Variants in SYK observed in about 807,000 individuals in gnomAD.
The protein encoded by SYK is tyrosine-protein kinase SYK.
Under a neutral mutation model 77.8 loss-of-function variants are expected in SYK, and 16 were observed. That is an observed-to-expected ratio of 0.21 (90% CI 0.14 to 0.31). The LOEUF is 0.31. Among genes scored for constraint, SYK ranks in the 10% least tolerant of loss-of-function variants. The pLI is 1.00. For synonymous variants in SYK, 312 were observed against 308.7 expected (o/e 1.01, Z -0.11); for missense variants, 529 against 814.4 (o/e 0.65, Z 4.26).
intron 4 of SYK, among the ~76,000 whole-genome samples, chr9:90,863,949 C>T (rs1293005976): frequency 6.6e-6 from 1 of 152,188 alleles, no homozygotes; most frequent in Non-Finnish European, 1.5e-5. Flanking sequence ...ATTGATTCCC[C>T]TGGTAGATCA....
intron 11 of SYK, among the ~76,000 whole-genome samples, chr9:90,884,386 T>C (rs1221093807): frequency 3.1e-5 from 3 of 97,526 alleles, no homozygotes; most frequent in Non-Finnish European, 4.5e-5. Context: ...TACGTGTATA[T>C]ATGCATACAT....
At chr9:90,866,024 G>A (rs967752692) in intron 6 of SYK, among the ~76,000 whole-genome samples, 21 of 149,688 alleles carry the variant, frequency 1.4e-4, no homozygotes, top group South Asian at 6.4e-4. Flanking sequence ...TCAGCCTCGC[G>A]AGTAGCTGGG....
intron 11 of SYK, among the ~76,000 whole-genome samples, chr9:90,884,977 A>G (rs1024064676): frequency 1.6e-5 from 2 of 121,682 alleles, no homozygotes; most frequent in Admixed American, 1.8e-4. Flanking sequence ...ATATATATAT[A>G]TACCCAACAT....
intron 7 of SYK, 29 bp downstream of exon 7, chr9:90,867,228 A>T (rs1476071272): frequency 1.9e-6 from 3 of 1,611,454 alleles, no homozygotes; most frequent in East Asian, 4.5e-5. Context: ...CTTGCTGTCC[A>T]ACTAAGTGGT....
At chr9:90,889,501 C>A (rs1432453338) in intron 13 of SYK, among the ~76,000 whole-genome samples, 2 of 152,228 alleles carry the variant, frequency 1.3e-5, no homozygotes, top group African/African-American at 4.8e-5. Flanking sequence ...GAGGGCTATT[C>A]CAAATGCTGC....
At chr9:90,874,368 C>T (rs1025356626) in intron 8 of SYK, 77 bp downstream of exon 8, 8 of 1,402,918 alleles carry the variant, frequency 5.7e-6, no homozygotes, top group African/African-American at 5.7e-5. Context: ...AGTTGGTTCA[C>T]GAATCCACAC....
intron 7 of SYK, among the ~76,000 whole-genome samples, chr9:90,872,664 T>C (rs187673961): frequency 3.3e-5 from 5 of 152,378 alleles, no homozygotes; most frequent in East Asian, 3.9e-4. Flanking sequence ...TTCATTCTTA[T>C]TTCTCTTCAT....
At chr9:90,843,708 C>CAACTGTGTG (rs1423603485) in intron 1 of SYK, 150 bp from the exon 2 acceptor site, 3 of 488,650 alleles carry the variant, frequency 6.1e-6, no homozygotes, top group Non-Finnish European at 1.0e-5. Flanking sequence ...AACAGAAAGA[C>CAACTGTGTG]AACTGTGTGT....
intron 1 of SYK, among the ~76,000 whole-genome samples, chr9:90,836,282 A>C (rs1374609641): frequency 8.0e-6 from 1 of 125,024 alleles, no homozygotes; most frequent in African/African-American, 3.2e-5. Context: ...GCGAGACTTC[A>C]TCTCAAAAAA....
At chr9:90,845,692 G>C in intron 3 of SYK, 98 bp downstream of exon 3, 1 of 1,429,434 alleles carries the variant, frequency 7.0e-7, no homozygotes, top group Non-Finnish European at 9.5e-7. Context: ...CATGACCCTG[G>C]GAAGAGGCCA....
intron 1 of SYK, among the ~76,000 whole-genome samples, chr9:90,832,760 G>C (rs1159931084): frequency 1.3e-5 from 2 of 152,138 alleles, no homozygotes; most frequent in Non-Finnish European, 2.9e-5. Context: ...TGCTATATCA[G>C]TTATCTGTTG....
At chr9:90,850,009 T>C (rs1826755679) in intron 3 of SYK, among the ~76,000 whole-genome samples, 1 of 152,208 alleles carries the variant, frequency 6.6e-6, no homozygotes, top group South Asian at 2.1e-4. Flanking sequence ...TTTCCATCCC[T>C]GCATCACAGG....
At chr9:90,817,882 T>TGTGTGTGTGTGTGAGAGA (rs1302553724) in intron 1 of SYK, among the ~76,000 whole-genome samples, 1 of 66,866 alleles carries the variant, frequency 1.5e-5, no homozygotes, top group East Asian at 5.1e-4. Flanking sequence ...TGTGTGTGTG[T>TGTGTGTGTGTGTGAGAGA]GAGAGAGAGA....
chr9:90,878,625 A>T lies in SYK; in HGVS notation c.1392-139A>T, dbSNP rs769719388. 1,416 of 647,486 alleles carry T rather than the reference A, an allele frequency of 2.2e-3. 4 individuals carry two copies. The highest frequency in any genetic ancestry group is 3.1e-3 in the Non-Finnish European group (1,166 of 372,638). 40.1% of individuals were successfully genotyped at this position (647,486 alleles called of 1,614,324 possible). A position where few individuals can be genotyped will look rare whatever the true frequency, so the allele number is the denominator to read the frequency against. On this transcript the variant is annotated intron_variant, in intron 10 of 13. Coordinates refer to ENST00000375754, the MANE Select transcript of SYK (RefSeq NM_003177.7). ...TGAAGAGCTATATGCTAACAAAGTTATTTGTCACCACTCGTGAGTTTTGTT... is the reference window on the plus strand; with the variant it reads ...TGAAGAGCTATATGCTAACAAAGTTTTTTGTCACCACTCGTGAGTTTTGTT...
chr9:90,888,722 A>T, intron 13 of SYK, 95 bp downstream of exon 13: 1 of 978,902 alleles, frequency 1.0e-6, no homozygotes, highest in Non-Finnish European at 1.5e-6. Flanking sequence ...TCACCTTTTC[A>T]TGAATCAGGA....
chr9:90,865,922 G>T (rs1198234051), intron 6 of SYK, among the ~76,000 whole-genome samples: 2 of 78,916 alleles, frequency 2.5e-5, no homozygotes, highest in East Asian at 9.5e-4. Flanking sequence ...TTTTTGAGAC[G>T]GAGTCTCGCT....
rs1276014597 is a variant in SYK at position 90,858,077 on chromosome 9, A to C, written c.579-4129A>C. Among the ~76,000 whole-genome samples the C allele has an allele frequency of 3.3e-5, 5 of 152,090 alleles. No homozygotes were observed. The South Asian group carries it at 6.2e-4, about 19-fold the overall frequency. ...CACCTTGAGTGCCTCACTACTTCTT[A>C]CATCCTCACTTTCCCCTTGGTGCCC... On this transcript the variant is annotated intron_variant, in intron 3 of 13. Coordinates refer to ENST00000375754, the MANE Select transcript of SYK (RefSeq NM_003177.7).
intron 1 of SYK, among the ~76,000 whole-genome samples, chr9:90,820,659 G>A (rs1825479851): frequency 6.6e-6 from 1 of 152,074 alleles, no homozygotes; most frequent in African/African-American, 2.4e-5. Context: ...TTTCCTCCTG[G>A]GCCTCCAGGT....
chr9:90,868,137 CAAG>C (rs1476409028), intron 7 of SYK, among the ~76,000 whole-genome samples: 1 of 152,138 alleles, frequency 6.6e-6, no homozygotes, highest in African/African-American at 2.4e-5. Context: ...TACTCATACT[CAAG>C]AAGTTCTCAA....
Sources: allele counts gnomAD v4.1 joint callset (sites outside exome capture counted in the v4.1 genomes callset), GRCh38; gene constraint gnomAD v4.1.1; transcripts MANE v1.5; gene names NCBI Gene and HGNC (gene_info 2026-07-23, HGNC 2026-07-21).